TEX36: variants seen among roughly 807,000 people sequenced by gnomAD.
TEX36 encodes testis-expressed protein 36.
Under a neutral mutation model 13.6 loss-of-function variants are expected in TEX36, and 12 were observed. The observed-to-expected ratio is 0.88, with a 90% CI of 0.56 to 1.43. The LOEUF (loss-of-function observed/expected upper bound fraction) is 1.43, where lower values mean the gene tolerates loss of function less well. TEX36 is among the 40% of genes most tolerant of loss of function. The pLI is 0.00. For synonymous variants in TEX36, 93 were observed against 83.0 expected, an observed-to-expected ratio of 1.12 and a Z score of -0.65; for missense variants, 224 against 228.3, an observed-to-expected ratio of 0.98 and a Z score of 0.12.
intron 3 of TEX36, among the ~76,000 whole-genome samples, chr10:125,623,169 C>T (rs960285508): frequency 6.6e-6 from 1 of 152,188 alleles, no homozygotes; most frequent in Non-Finnish European, 1.5e-5. Context: ...GTATCATCAC[C>T]TAGTTGGTGT....
intron 1 of TEX36, chr10:125,667,148 T>A (rs1327578550): frequency 2.9e-6 from 2 of 695,444 alleles, no homozygotes; most frequent in South Asian, 1.4e-5. Context: ...AGGAATGTGA[T>A]CCCAGGGACA....
In TEX36 at chr10:125,655,730, G is replaced by T; in HGVS notation, c.*170C>A. ...ATCTGAAAAGTTTATTTACACATGC[G>T]TATGTCATCACAAATTCATTTCACA... On this transcript the variant is annotated 3_prime_UTR_variant, in exon 4 of 4. Transcript: ENST00000368821. 7.6e-7 allele frequency: 1 copy of T among 1,320,646 alleles called. No homozygotes were observed. The highest frequency in any genetic ancestry group is 9.6e-7 in the Non-Finnish European group (1 of 1,037,882). The allele number at this position is 1,320,646 out of a possible 1,614,324, so 81.8% of individuals were successfully genotyped here.
chr10:125,662,000 G>A, intron 1 of TEX36, 23 bp from the exon 2 acceptor site: 2 of 1,552,300 alleles, frequency 1.3e-6, no homozygotes, highest in South Asian at 1.2e-5. Context: ...CACACGCCTT[G>A]ATTAAAACCA....
chr10:125,598,848 T>C (rs1039569207), intron 3 of TEX36, among the ~76,000 whole-genome samples: 8 of 152,220 alleles, frequency 5.3e-5, no homozygotes, highest in African/African-American at 1.4e-4. Flanking sequence ...TTGAGCTGTC[T>C]TGAAAATTCC....
intron 3 of TEX36, among the ~76,000 whole-genome samples, chr10:125,644,632 A>T (rs1846740168): frequency 6.6e-6 from 1 of 152,230 alleles, no homozygotes; most frequent in African/African-American, 2.4e-5. Context: ...TGGTTATGAT[A>T]TTTGTGGCAC....
intron 3 of TEX36, among the ~76,000 whole-genome samples, chr10:125,585,076 G>C (rs958867770): frequency 6.6e-6 from 1 of 152,168 alleles, no homozygotes; most frequent in African/African-American, 2.4e-5. Flanking sequence ...TCCGGGAAGA[G>C]ACCTTGAGAA....
intron 3 of TEX36, among the ~76,000 whole-genome samples, chr10:125,597,821 G>T (rs1233205488): frequency 6.6e-6 from 1 of 152,140 alleles, no homozygotes; most frequent in South Asian, 2.1e-4. Flanking sequence ...TTGGCGGGGG[G>T]CCTGGGTTTC....
At chr10:125,582,253 C>T (rs1287492112) in intron 3 of TEX36, among the ~76,000 whole-genome samples, 3 of 152,206 alleles carry the variant, frequency 2.0e-5, no homozygotes, top group Admixed American at 6.5e-5. Context: ...ATGAGTTTCA[C>T]TTCAGTGATG....
intron 3 of TEX36, among the ~76,000 whole-genome samples, chr10:125,633,820 C>T (rs1335007826): frequency 1.3e-5 from 2 of 152,104 alleles, no homozygotes; most frequent in Non-Finnish European, 2.9e-5. Flanking sequence ...TTTGACTTTC[C>T]CATAAATGGA....
chr10:125,659,027 T>C (rs577325961), intron 3 of TEX36, among the ~76,000 whole-genome samples: 42 of 152,232 alleles, frequency 2.8e-4, no homozygotes, highest in Admixed American at 1.5e-3. Context: ...ATTAGATAAA[T>C]TTTAGGCAAA....
intron 3 of TEX36, among the ~76,000 whole-genome samples, chr10:125,637,317 A>G (rs969469567): frequency 2.4e-4 from 37 of 152,012 alleles, no homozygotes; most frequent in Non-Finnish European, 4.4e-4. Context: ...TCAAAAAAAA[A>G]AAAAAAGTAT....
chr10:125,621,497 T>C, downstream of TEX36: 1 of 410,844 alleles, frequency 2.4e-6, no homozygotes, highest in Non-Finnish European at 4.9e-6. Context: ...CAGTGTGTAA[T>C]TTTTGATATT....
intron 1 of TEX36, among the ~76,000 whole-genome samples, chr10:125,668,303 T>C (rs1414897633): frequency 6.7e-6 from 1 of 149,898 alleles, no homozygotes; most frequent in East Asian, 1.9e-4. Context: ...CTTTTCTTTG[T>C]TGGGAGATTT....
At chr10:125,582,654 A>G (rs1453305647) in intron 3 of TEX36, among the ~76,000 whole-genome samples, 1 of 152,180 alleles carries the variant, frequency 6.6e-6, no homozygotes, top group Non-Finnish European at 1.5e-5. Context: ...CCAATTCATC[A>G]TTTGTTCATT....
At chr10:125,643,273 C>T (rs146755716) in intron 3 of TEX36, among the ~76,000 whole-genome samples, 4 of 152,190 alleles carry the variant, frequency 2.6e-5, no homozygotes, top group African/African-American at 7.2e-5. Context: ...GCCTCTCACC[C>T]GCCCTCATGC....
intron 3 of TEX36, among the ~76,000 whole-genome samples, chr10:125,623,599 C>A (rs907137690): frequency 6.8e-6 from 1 of 147,600 alleles, no homozygotes. Context: ...AAAAAAAAGT[C>A]TCCTGTTAGT....
At chr10:125,662,986 GAAA>G (rs1472069891) in intron 1 of TEX36, among the ~76,000 whole-genome samples, 2 of 152,162 alleles carry the variant, frequency 1.3e-5, no homozygotes, top group Non-Finnish European at 2.9e-5. Context: ...GAAATGAATG[GAAA>G]TTAAAAAGAC....
chr10:125,615,286 C>A (rs1238554192), intron 3 of TEX36, among the ~76,000 whole-genome samples: 22 of 151,936 alleles, frequency 1.4e-4, no homozygotes, highest in Admixed American at 1.3e-3. Flanking sequence ...CCTTCTCCTG[C>A]CTAATTGCCC....
intron 1 of TEX36, chr10:125,667,620 T>C (rs1455208273): frequency 1.4e-6 from 1 of 723,362 alleles, no homozygotes; most frequent in Non-Finnish European, 2.6e-6. Flanking sequence ...ACCACGCCCT[T>C]GTCTACCTTG....
Sources: allele counts gnomAD v4.1 joint callset (sites outside exome capture counted in the v4.1 genomes callset), GRCh38; gene constraint gnomAD v4.1.1; transcripts MANE v1.5; gene names NCBI Gene and HGNC (gene_info 2026-07-23, HGNC 2026-07-21).